AGPAT3: variants seen among roughly 807,000 people sequenced by gnomAD.
AGPAT3 encodes the protein 1-acylglycerol-3-phosphate O-acyltransferase 3.
Under a neutral mutation model 47.3 loss-of-function variants are expected in AGPAT3, and 5 were observed. That is an observed-to-expected ratio of 0.11 (90% CI 0.06 to 0.22). The LOEUF (loss-of-function observed/expected upper bound fraction) is 0.22, where lower values mean the gene tolerates loss of function less well. Among genes scored for constraint, AGPAT3 ranks in the 10% least tolerant of loss-of-function variants. The pLI is 1.00. For missense variants in AGPAT3, 315 were observed against 493.0 expected (o/e 0.64, Z 3.42); for synonymous variants, 212 against 208.3 (o/e 1.02, Z -0.15).
intron 2 of AGPAT3, among the ~76,000 whole-genome samples, chr21:43,942,595 C>T (rs2087698482): frequency 6.6e-6 from 1 of 152,244 alleles, no homozygotes; most frequent in Non-Finnish European, 1.5e-5. Flanking sequence ...GCTCGGTCCA[C>T]ATGAAAAGAG....
intron 7 of AGPAT3, among the ~76,000 whole-genome samples, chr21:43,975,685 G>A (rs1376360153): frequency 5.3e-5 from 8 of 152,354 alleles, no homozygotes; most frequent in South Asian, 2.1e-4. Context: ...GCGGTTGCCC[G>A]TGGACAGCAG....
Position 43,985,106 on chromosome 21 carries a change from A to G in AGPAT3, c.*2714A>G, listed in dbSNP as rs776253777. 9.4e-5 allele frequency: 43 copies of G among 456,138 alleles called. No homozygotes were observed. The highest frequency in any genetic ancestry group is 6.5e-4 in the South Asian group (42 of 64,568). The allele number at this position is 456,138 out of a possible 1,614,324, so 28.3% of individuals were successfully genotyped here. A position where few individuals can be genotyped will look rare whatever the true frequency, so the allele number is the denominator to read the frequency against. On this transcript the variant is annotated 3_prime_UTR_variant, in exon 10 of 10. Transcript: ENST00000291572. ...CGGGCGTCTGGCCGGTCAAGCTCCC[A>G]GCCTGGGCCGTGGTCTCCTGGGGAC...
At position 43,976,286 on chromosome 21, in the gene AGPAT3, C is replaced by T. The variant is rs536157841; in HGVS notation, c.768-1760C>T. Among the ~76,000 whole-genome samples the T allele has an allele frequency of 2.2e-4, 32 of 147,954 alleles. No homozygotes were observed. In the South Asian group the frequency reaches 2.2e-3, roughly 10 times the overall value. ...TTCACCATGTTGGTCAGGCTGGTCT[C>T]GAACTCCTGAGCTCGTGATCTGCCT... On this transcript the variant is annotated intron_variant, in intron 7 of 9. Transcript: ENST00000291572.
chr21:43,889,849 G>A lies in AGPAT3; in HGVS notation c.-111-14108G>A, dbSNP rs568093013. On this transcript the variant is annotated intron_variant, in intron 1 of 9. Coordinates refer to ENST00000291572, the MANE Select transcript of AGPAT3 (RefSeq NM_020132.5). Reference sequence around the variant, plus strand: ...GTCTTCGTCTTTTTGCTAGTAGACGGGTCTGCTTCGACGTGAATGGCTGCT... The same window carrying A: ...GTCTTCGTCTTTTTGCTAGTAGACGAGTCTGCTTCGACGTGAATGGCTGCT... Among the ~76,000 whole-genome samples the A allele has an allele frequency of 3.3e-5, 5 of 152,270 alleles. No homozygotes were observed. In the East Asian group the frequency reaches 7.7e-4, roughly 24 times the overall value.
At position 43,920,801 on chromosome 21, in the gene AGPAT3, A is replaced by G. The variant is rs950654074; in HGVS notation, c.-49+16782A>G. On this transcript the variant is annotated intron_variant, in intron 2 of 9. Coordinates refer to ENST00000291572, the MANE Select transcript of AGPAT3 (RefSeq NM_020132.5). This position sits in a 1 kb window ranked among gnomAD's most constrained non-coding sequence, Gnocchi z 6.1. ...CATACCTCACCCTGTGCATCTCTTCATCTGTATCTTTTGTAACATCCTTTA... is the reference window on the plus strand; with the variant it reads ...CATACCTCACCCTGTGCATCTCTTCGTCTGTATCTTTTGTAACATCCTTTA... 1.4e-4 allele frequency among the ~76,000 whole-genome samples: 21 copies of G among 152,196 alleles called. No homozygotes were observed. Among genetic ancestry groups the G allele is most frequent in the Non-Finnish European group, 7.4e-5 (5 of 68,004 alleles).
At position 43,920,351 on chromosome 21, in the gene AGPAT3, G is replaced by A. The variant is rs150043407; in HGVS notation, c.-49+16332G>A. 2.6e-5 allele frequency among the ~76,000 whole-genome samples: 4 copies of A among 152,310 alleles called. No homozygotes were observed. Among genetic ancestry groups the A allele is most frequent in the East Asian group, 3.9e-4 (2 of 5,190 alleles). On this transcript the variant is annotated intron_variant, in intron 2 of 9. Coordinates refer to ENST00000291572, the MANE Select transcript of AGPAT3 (RefSeq NM_020132.5). This position sits in a 1 kb window ranked among gnomAD's most constrained non-coding sequence, Gnocchi z 6.1. Reference sequence around the variant, plus strand: ...TGTGACTCGGCTGAGAGGAGACAGCGCAGCTGGGCAGGTGATGCTTGGTGA... The same window carrying A: ...TGTGACTCGGCTGAGAGGAGACAGCACAGCTGGGCAGGTGATGCTTGGTGA...
intron 5 of AGPAT3, among the ~76,000 whole-genome samples, chr21:43,969,912 TG>T (rs2089322434): frequency 6.6e-6 from 1 of 152,176 alleles, no homozygotes; most frequent in South Asian, 2.1e-4. Flanking sequence ...TTGGCCAGGC[TG>T]GTCTCAAACT....
At chr21:43,946,099 A>T (rs967304132) in intron 2 of AGPAT3, among the ~76,000 whole-genome samples, 1 of 152,198 alleles carries the variant, frequency 6.6e-6, no homozygotes, top group East Asian at 1.9e-4. Flanking sequence ...GGAGGGCTCA[A>T]TGCCATTCCC....
chr21:43,955,415 T>C lies in AGPAT3; in HGVS notation c.-48-4219T>C, dbSNP rs866025715. Among the ~76,000 whole-genome samples, 1 of 152,026 alleles carries C rather than the reference T, an allele frequency of 6.6e-6. No individual in the cohort carries two copies. Among genetic ancestry groups the C allele is most frequent in the African/African-American group, 2.4e-5 (1 of 41,414 alleles). Reference sequence around the variant, plus strand: ...GCAAACCCATCTTAATCGTGTGTTATTTATTCCTGGATGAAGTTCTTTTCT... The same window carrying C: ...GCAAACCCATCTTAATCGTGTGTTACTTATTCCTGGATGAAGTTCTTTTCT... On this transcript the variant is annotated intron_variant, in intron 2 of 9. Coordinates refer to ENST00000291572, the MANE Select transcript of AGPAT3 (RefSeq NM_020132.5). This position sits in a 1 kb window ranked among gnomAD's most constrained non-coding sequence, Gnocchi z 4.1.
At chr21:43,900,665 G>T (rs532176736) in intron 1 of AGPAT3, among the ~76,000 whole-genome samples, 1 of 152,290 alleles carries the variant, frequency 6.6e-6, no homozygotes, top group Non-Finnish European at 1.5e-5. Context: ...TGTGAATGCT[G>T]CCCAGGTGAG....
intron 4 of AGPAT3, among the ~76,000 whole-genome samples, chr21:43,968,651 G>T (rs886112228): frequency 1.3e-5 from 2 of 152,022 alleles, no homozygotes; most frequent in Non-Finnish European, 2.9e-5. Context: ...GCCCTGGCCC[G>T]CAGGGCCTCA....
chr21:43,879,295 C>T (rs191191712), intron 1 of AGPAT3, among the ~76,000 whole-genome samples: 50 of 138,464 alleles, frequency 3.6e-4, no homozygotes, highest in Admixed American at 3.6e-3. Flanking sequence ...GGTTGCAGTG[C>T]GCTGAGATTG....
At chr21:43,910,261 G>A (rs1400368601) in intron 2 of AGPAT3, among the ~76,000 whole-genome samples, 2 of 152,186 alleles carry the variant, frequency 1.3e-5, no homozygotes, top group African/African-American at 2.4e-5. Context: ...CTGGTCCTGC[G>A]CCCGTGAGAG....
intron 2 of AGPAT3, among the ~76,000 whole-genome samples, chr21:43,917,177 C>CA (rs1175539675): frequency 6.6e-6 from 1 of 151,642 alleles, no homozygotes; most frequent in African/African-American, 2.4e-5. Context: ...CCCCCGCCCC[C>CA]GCCCCCCACA....
intron 8 of AGPAT3, 102 bp from the exon 9 acceptor site, chr21:43,980,887 T>C: frequency 8.5e-7 from 1 of 1,181,482 alleles, no homozygotes. Context: ...TGGCGCTTTT[T>C]TTAGGTTGAG....
chr21:43,897,126 C>T (rs1343213056), intron 1 of AGPAT3, among the ~76,000 whole-genome samples: 1 of 151,782 alleles, frequency 6.6e-6, no homozygotes, highest in Non-Finnish European at 1.5e-5. Context: ...GTTTGTGTCC[C>T]TGGGTACTTG....
At position 43,981,783 on chromosome 21, in the gene AGPAT3, G is replaced by C. The variant is rs2089861521; in HGVS notation, c.1043-521G>C. Among the ~76,000 whole-genome samples, 1 of 152,058 alleles carries C rather than the reference G, an allele frequency of 6.6e-6. No homozygotes were observed. The highest frequency in any genetic ancestry group is 6.5e-5 in the Admixed American group (1 of 15,272). The stretch of plus-strand genomic sequence containing the variant: ...CCCGTGAGCCGACTCCCCAGGCCCA[G>C]CAGCTGGGCCAGCTCCTCCCCTGCT... On this transcript the variant is annotated intron_variant, in intron 9 of 9. Transcript: ENST00000291572. This position sits in a 1 kb window ranked among gnomAD's most constrained non-coding sequence, Gnocchi z 5.3.
chr21:43,935,649 G>C (rs1180091284), intron 2 of AGPAT3, among the ~76,000 whole-genome samples: 3 of 152,220 alleles, frequency 2.0e-5, no homozygotes, highest in Non-Finnish European at 4.4e-5. Flanking sequence ...GGCTGGGTCT[G>C]CCTGGCATTT....
chr21:43,920,645 G>A lies in AGPAT3; in HGVS notation c.-49+16626G>A, dbSNP rs1401934058. 1.3e-5 allele frequency among the ~76,000 whole-genome samples: 2 copies of A among 152,090 alleles called. No homozygotes were observed. Among genetic ancestry groups the A allele is most frequent in the African/African-American group, 4.8e-5 (2 of 41,404 alleles). The stretch of plus-strand genomic sequence containing the variant: ...CCAGTGGCCGGTGTTCTGCTCGATC[G>A]TGCCTGTGTAATGAAGCCTCCACAG... On this transcript the variant is annotated intron_variant, in intron 2 of 9. Transcript: ENST00000291572. The surrounding 1 kb of genome is among the most constrained non-coding windows in gnomAD (Gnocchi z 6.1).
Sources: gnomAD v4.1 joint callset for allele counts (sites outside exome capture counted in the v4.1 genomes callset) on GRCh38, gnomAD v4.1.1 for gene constraint, Gnocchi (gnomAD v3.1) non-coding constraint, MANE v1.5 for transcripts, NCBI Gene and HGNC (gene_info 2026-07-23, HGNC 2026-07-21) for gene names.